Variants in KCNK3 observed in about 807,000 individuals in gnomAD.
The protein encoded by KCNK3 is potassium channel subfamily K member 3.
A neutral mutation model predicts 27.3 loss-of-function variants in KCNK3; 9 were observed. That is an observed-to-expected ratio of 0.33 (90% CI 0.20 to 0.57). The LOEUF is 0.57. KCNK3 is among the 20% of genes least tolerant of loss of function. The pLI, the probability that KCNK3 is intolerant of heterozygous loss-of-function variation, is 0.87. For missense variants in KCNK3, 391 were observed against 577.7 expected (o/e 0.68, Z 3.31); for synonymous variants, 278 against 273.8 (o/e 1.02, Z -0.15).
chr2:26,692,836 C>T lies in KCNK3; in HGVS notation c.-40C>T, dbSNP rs1670186396. On this transcript the variant is annotated 5_prime_UTR_variant, in exon 1 of 2. Coordinates refer to ENST00000302909, the MANE Select transcript of KCNK3 (RefSeq NM_002246.3). The surrounding 1 kb of genome is among the most constrained non-coding windows in gnomAD (Gnocchi z 5.6). Reference sequence around the variant, plus strand: ...GCGGCGGCCGGGGCCGAGGCGCGGGCCGGGGGCGCCGGGGGGCCGGCGGCG... The same window carrying T: ...GCGGCGGCCGGGGCCGAGGCGCGGGTCGGGGGCGCCGGGGGGCCGGCGGCG... The T allele has an allele frequency of 1.8e-6, 2 of 1,128,684 alleles. No homozygotes were observed. Among genetic ancestry groups the T allele is most frequent in the Non-Finnish European group, 1.1e-6 (1 of 918,424 alleles). The allele number at this position is 1,128,684 out of a possible 1,614,324, so 69.9% of individuals were successfully genotyped here.
intron 1 of KCNK3, among the ~76,000 whole-genome samples, chr2:26,704,977 T>C (rs1389419087): frequency 1.3e-5 from 2 of 152,116 alleles, no homozygotes; most frequent in African/African-American, 4.8e-5. Flanking sequence ...TTCTTTCTTT[T>C]TTTTTTGGAG....
rs760028256 is a variant in KCNK3 at position 26,694,055 on chromosome 2, C to G, written c.283+897C>G. ...ATCTCTAGCCAGGCCCTTGGTGGTG[C>G]TATTCAAAACTGTCCAGACGGGAAT... On this transcript the variant is annotated intron_variant, in intron 1 of 1. Transcript: ENST00000302909. 1.2e-4 allele frequency among the ~76,000 whole-genome samples: 19 copies of G among 152,098 alleles called. 1 individual carries two copies. The highest frequency in any genetic ancestry group is 2.5e-4 in the Non-Finnish European group (17 of 68,014).
chr2:26,728,335 C>A lies in KCNK3; in HGVS notation c.952C>A (p.Arg318Ser). 1 of 1,604,410 alleles carries A rather than the reference C, an allele frequency of 6.2e-7. No homozygotes were observed. Among genetic ancestry groups the A allele is most frequent in the East Asian group, 2.3e-5 (1 of 44,370 alleles). Residue 318 changes from arginine to serine, a missense_variant, in exon 2 of 2, where the codon CGC becomes AGC. Transcript: ENST00000302909. ...GTGCTCGTGCCTGTGGTACAAGAGC[C>A]GCGAGAAGCTGCAGTACTCCATCCC... Reference protein sequence around the residue: ...SMCSCLWYKSREKLQYSIPMI... With the variant: ...SMCSCLWYKSSEKLQYSIPMI...
chr2:26,710,910 T>A (rs1197322234), intron 1 of KCNK3, among the ~76,000 whole-genome samples: 1 of 152,206 alleles, frequency 6.6e-6, no homozygotes, highest in African/African-American at 2.4e-5. Flanking sequence ...TTTTGTCTCA[T>A]TCTCCCCTGG....
intron 1 of KCNK3, among the ~76,000 whole-genome samples, chr2:26,708,260 A>G (rs551512847): frequency 1.1e-4 from 17 of 152,316 alleles, no homozygotes; most frequent in African/African-American, 4.1e-4. Context: ...CAAGCAGGCC[A>G]GTGCCAGGTG....
Position 26,727,868 on chromosome 2 carries a change from T to A in KCNK3, c.485T>A (p.Ile162Asn). ...GTGTCCATGGCCAACATGGTGCTCATCGGCTTCTTCTCGTGCATCAGCACG... is the reference window on the plus strand; with the variant it reads ...GTGTCCATGGCCAACATGGTGCTCAACGGCTTCTTCTCGTGCATCAGCACG... Reference protein sequence around the residue: ...ADVSMANMVLIGFFSCISTLC... With the variant: ...ADVSMANMVLNGFFSCISTLC... The change falls in exon 2 of 2, where the codon ATC (isoleucine) becomes AAC (asparagine). Residue 162 changes from isoleucine (I) to asparagine (N), a missense_variant. By Grantham distance (149) the Ile-to-Asn change is moderately radical (BLOSUM62 -3). Transcript: ENST00000302909. 6.2e-7 allele frequency: 1 copy of A among 1,614,168 alleles called. No individual in the cohort carries two copies. Among genetic ancestry groups the A allele is most frequent in the Non-Finnish European group, 8.5e-7 (1 of 1,180,010 alleles).
chr2:26,702,103 C>T (rs148997813), intron 1 of KCNK3, among the ~76,000 whole-genome samples: 116 of 152,348 alleles, frequency 7.6e-4, no homozygotes, highest in African/African-American at 2.8e-3. Flanking sequence ...GATCCTCTCT[C>T]TCCTTCTACC....
At chr2:26,700,268 G>A (rs937816845) in intron 1 of KCNK3, among the ~76,000 whole-genome samples, 4 of 152,208 alleles carry the variant, frequency 2.6e-5, no homozygotes, top group African/African-American at 4.8e-5. Flanking sequence ...AATGTCTTTC[G>A]TGGCAGCACA....
At chr2:26,713,457 G>A (rs1194667445) in intron 1 of KCNK3, among the ~76,000 whole-genome samples, 1 of 152,176 alleles carries the variant, frequency 6.6e-6, no homozygotes, top group African/African-American at 2.4e-5. Flanking sequence ...TTTCTGAGTG[G>A]TGAATGGCAA....
Position 26,693,244 on chromosome 2 carries a change from G to T in KCNK3, c.283+86G>T. ...TCCGGGGCCGGCTGGGGCTGGGGGC[G>T]GGGGCTCCCCCGAGAGGGGCTGGGC... On this transcript the variant is annotated intron_variant, in intron 1 of 1. Transcript: ENST00000302909. This position sits in a 1 kb window ranked among gnomAD's most constrained non-coding sequence, Gnocchi z 5.5. 6 of 1,203,630 alleles carry T rather than the reference G, an allele frequency of 5.0e-6. No homozygotes were observed. In the South Asian group the frequency reaches 8.6e-5, roughly 17 times the overall value. The allele number at this position is 1,203,630 out of a possible 1,614,324, so 74.6% of individuals were successfully genotyped here.
At chr2:26,724,732 A>G (rs1168370684) in intron 1 of KCNK3, among the ~76,000 whole-genome samples, 1 of 152,136 alleles carries the variant, frequency 6.6e-6, no homozygotes, top group Non-Finnish European at 1.5e-5. Context: ...TTAAGCCTGG[A>G]TGTGTCATTT....
chr2:26,707,361 G>A (rs1421163738), intron 1 of KCNK3, among the ~76,000 whole-genome samples: 2 of 152,222 alleles, frequency 1.3e-5, no homozygotes, highest in East Asian at 1.9e-4. Flanking sequence ...GAGCGAGGCT[G>A]CAGACACAGT....
At chr2:26,704,189 A>G (rs1386485524) in intron 1 of KCNK3, among the ~76,000 whole-genome samples, 5 of 151,210 alleles carry the variant, frequency 3.3e-5, no homozygotes, top group Admixed American at 6.6e-5. Flanking sequence ...CCCCTATCCC[A>G]TTTCCTTTTC....
At chr2:26,718,337 G>A (rs1663268273) in intron 1 of KCNK3, among the ~76,000 whole-genome samples, 1 of 152,120 alleles carries the variant, frequency 6.6e-6, no homozygotes, top group African/African-American at 2.4e-5. Flanking sequence ...ACCCTTGAAA[G>A]CACCTCAAAT....
In KCNK3 at chr2:26,693,046, C is replaced by T. The variant is rs763871946; in HGVS notation, c.171C>T (p.Gly57=). ...ELRARYNLSQ[G]GYEELERVVL... ...GGGCGCGCTACAACCTCAGCCAGGGCGGCTACGAGGAGCTGGAGCGCGTCG... is the reference window on the plus strand; with the variant it reads ...GGGCGCGCTACAACCTCAGCCAGGGTGGCTACGAGGAGCTGGAGCGCGTCG... Residue 57 remains glycine, a synonymous_variant, in exon 1 of 2, where the codon GGC becomes GGT. Coordinates refer to ENST00000302909, the MANE Select transcript of KCNK3 (RefSeq NM_002246.3). This position sits in a 1 kb window ranked among gnomAD's most constrained non-coding sequence, Gnocchi z 5.5. The T allele has an allele frequency of 5.0e-6, 8 of 1,599,666 alleles. No homozygotes were observed. The highest frequency in any genetic ancestry group is 2.3e-5 in the East Asian group (1 of 44,268).
intron 1 of KCNK3, among the ~76,000 whole-genome samples, chr2:26,714,025 G>A (rs1246572686): frequency 4.6e-5 from 7 of 151,616 alleles, no homozygotes; most frequent in East Asian, 1.9e-4. Flanking sequence ...GCAGTGAGCC[G>A]AGATCGCGCC....
At chr2:26,709,418 G>C (rs552822185) in intron 1 of KCNK3, among the ~76,000 whole-genome samples, 1 of 152,314 alleles carries the variant, frequency 6.6e-6, no homozygotes, top group African/African-American at 2.4e-5. Flanking sequence ...GAGATGGGAA[G>C]GAGGCCTGGG....
intron 1 of KCNK3, among the ~76,000 whole-genome samples, chr2:26,703,928 C>G (rs1670338796): frequency 6.6e-6 from 1 of 152,142 alleles, no homozygotes; most frequent in Admixed American, 6.5e-5. Flanking sequence ...GTGAGCAGAT[C>G]CTGGAGGGCT....
intron 1 of KCNK3, among the ~76,000 whole-genome samples, chr2:26,722,449 A>C (rs1257793580): frequency 1.3e-5 from 2 of 152,236 alleles, no homozygotes; most frequent in African/African-American, 4.8e-5. Flanking sequence ...TCAAGTCCCC[A>C]CACCAAGTCT....
Sources: gnomAD v4.1 joint callset for allele counts (sites outside exome capture counted in the v4.1 genomes callset) on GRCh38, gnomAD v4.1.1 for gene constraint, Gnocchi (gnomAD v3.1) non-coding constraint, MANE v1.5 for transcripts, NCBI Gene and HGNC (gene_info 2026-07-23, HGNC 2026-07-21) for gene names.